The following CNTNAP2 variants were observed in gnomAD, a reference collection of about 807,000 sequenced individuals.
The protein encoded by CNTNAP2 is contactin-associated protein-like 2.
Under a neutral mutation model 155.2 loss-of-function variants are expected in CNTNAP2, and 98 were observed. That is an observed-to-expected ratio of 0.63 (90% confidence interval 0.54 to 0.75). The LOEUF (loss-of-function observed/expected upper bound fraction) is 0.75, where lower values mean the gene tolerates loss of function less well. CNTNAP2 is among the 30% of genes least tolerant of loss of function. The pLI, the probability that CNTNAP2 is intolerant of heterozygous loss-of-function variation, is 0.00. For synonymous variants in CNTNAP2, 651 were observed against 631.2 expected (o/e 1.03, Z -0.47); for missense variants, 1,727 against 1,688.1 (o/e 1.02, Z -0.40).
chr7:146,469,518 CTTTTT>C (rs544057518), intron 1 of CNTNAP2, among the ~76,000 whole-genome samples: 1 of 129,062 alleles, frequency 7.7e-6, no homozygotes, highest in East Asian at 2.3e-4. Context: ...TAATAATTGA[CTTTTT>C]TTTTTTTTTT....
At chr7:148,365,340 T>C (rs900190252) in intron 21 of CNTNAP2, among the ~76,000 whole-genome samples, 1 of 152,196 alleles carries the variant, frequency 6.6e-6, no homozygotes, top group African/African-American at 2.4e-5. Context: ...TTTTTTGTCT[T>C]TCACTTATTA....
chr7:146,959,025 ATTTATTTAT>A (rs1333322006), intron 3 of CNTNAP2, among the ~76,000 whole-genome samples: 1 of 150,428 alleles, frequency 6.6e-6, no homozygotes, highest in Non-Finnish European at 1.5e-5. Context: ...TATTTTATTT[ATTTATTTAT>A]TTTGAGATGT....
At chr7:148,074,272 C>T (rs1803436388) in intron 15 of CNTNAP2, among the ~76,000 whole-genome samples, 1 of 152,132 alleles carries the variant, frequency 6.6e-6, no homozygotes, top group Non-Finnish European at 1.5e-5. Flanking sequence ...TCCTTACACT[C>T]AAACCATACA....
chr7:146,229,178 G>T (rs13242084), intron 1 of CNTNAP2, among the ~76,000 whole-genome samples: 1 of 151,948 alleles, frequency 6.6e-6, no homozygotes, highest in Non-Finnish European at 1.5e-5. Context: ...AATTGCCATC[G>T]GGTCACTTTT....
At chr7:147,155,071 G>T (rs189725746) in intron 8 of CNTNAP2, among the ~76,000 whole-genome samples, 1 of 152,042 alleles carries the variant, frequency 6.6e-6, no homozygotes, top group Non-Finnish European at 1.5e-5. Context: ...CACCACTCCC[G>T]CTCCCTGCCA....
intron 13 of CNTNAP2, among the ~76,000 whole-genome samples, chr7:147,839,735 C>T (rs933334346): frequency 4.6e-5 from 7 of 152,146 alleles, no homozygotes; most frequent in Non-Finnish European, 8.8e-5. Context: ...AATCCTACTA[C>T]TGGGCGTCTA....
At chr7:147,470,509 T>C (rs1798198981) in intron 10 of CNTNAP2, among the ~76,000 whole-genome samples, 1 of 151,858 alleles carries the variant, frequency 6.6e-6, no homozygotes, top group African/African-American at 2.4e-5. Flanking sequence ...GTAATAGCAG[T>C]AGAGATGGTA....
intron 8 of CNTNAP2, among the ~76,000 whole-genome samples, chr7:147,251,879 T>C (rs1199065659): frequency 4.6e-5 from 7 of 152,222 alleles, no homozygotes; most frequent in African/African-American, 1.7e-4. Context: ...AAGATGCAGA[T>C]GTTTTAAATC....
chr7:147,029,016 G>T (rs62483998), intron 3 of CNTNAP2, among the ~76,000 whole-genome samples: 16,258 of 147,446 alleles, frequency 0.11, 971 homozygotes, highest in Middle Eastern at 0.16. Flanking sequence ...CAGGCTGGAG[G>T]GCAGTGGTGC....
chr7:148,140,913 A>T (rs545502933), intron 16 of CNTNAP2, among the ~76,000 whole-genome samples: 1 of 152,260 alleles, frequency 6.6e-6, no homozygotes, highest in Non-Finnish European at 1.5e-5. Context: ...TAAATTCTCT[A>T]TTACACAGTT....
intron 1 of CNTNAP2, among the ~76,000 whole-genome samples, chr7:146,749,700 T>C (rs1370042347): frequency 6.6e-6 from 1 of 152,174 alleles, no homozygotes; most frequent in Non-Finnish European, 1.5e-5. Context: ...AAAATGTGAA[T>C]GAAAAATTAA....
intron 3 of CNTNAP2, among the ~76,000 whole-genome samples, chr7:146,933,058 G>T (rs1796815042): frequency 6.6e-6 from 1 of 152,058 alleles, no homozygotes; most frequent in South Asian, 2.1e-4. Context: ...AGCTATCAAT[G>T]ACTTTCTTCA....
intron 12 of CNTNAP2, among the ~76,000 whole-genome samples, chr7:147,623,782 A>G (rs1418066415): frequency 6.6e-6 from 1 of 152,018 alleles, no homozygotes; most frequent in East Asian, 1.9e-4. Context: ...TTTATTTGGA[A>G]CCACAAAAGA....
At chr7:148,331,700 G>C (rs201604413) in intron 21 of CNTNAP2, among the ~76,000 whole-genome samples, 456 of 144,940 alleles carry the variant, frequency 3.1e-3, no homozygotes, top group South Asian at 5.3e-3. Context: ...CGGATGGAGT[G>C]GATGGATGGA....
chr7:147,378,793 A>G (rs1483960797), intron 9 of CNTNAP2, among the ~76,000 whole-genome samples: 1 of 152,120 alleles, frequency 6.6e-6, no homozygotes, highest in African/African-American at 2.4e-5. Context: ...TTTAATTCCA[A>G]TAATATATTT....
At chr7:146,144,941 C>T (rs936401899) in intron 1 of CNTNAP2, among the ~76,000 whole-genome samples, 4 of 152,036 alleles carry the variant, frequency 2.6e-5, no homozygotes, top group African/African-American at 9.7e-5. Context: ...GGAAGAAAGT[C>T]CCAGATGACT....
At chr7:147,945,636 G>A (rs933949528) in intron 14 of CNTNAP2, among the ~76,000 whole-genome samples, 5 of 151,670 alleles carry the variant, frequency 3.3e-5, no homozygotes, top group East Asian at 3.9e-4. Flanking sequence ...ACAACACCTC[G>A]AAGGGCAGTC....
At chr7:148,106,301 G>T (rs1250774705) in intron 15 of CNTNAP2, among the ~76,000 whole-genome samples, 4 of 151,978 alleles carry the variant, frequency 2.6e-5, no homozygotes, top group Non-Finnish European at 5.9e-5. Flanking sequence ...TTATACTGAA[G>T]ATCTAACTTA....
intron 1 of CNTNAP2, among the ~76,000 whole-genome samples, chr7:146,296,164 A>G (rs1285959059): frequency 6.6e-6 from 1 of 152,172 alleles, no homozygotes; most frequent in African/African-American, 2.4e-5. Context: ...TTGCTTAAGC[A>G]GATCCTAAAT....
Sources: allele counts gnomAD v4.1 joint callset (sites outside exome capture counted in the v4.1 genomes callset), GRCh38; gene constraint gnomAD v4.1.1; transcripts MANE v1.5; gene names NCBI Gene and HGNC (gene_info 2026-07-23, HGNC 2026-07-21).